Variants in SOX6 observed in about 807,000 individuals in gnomAD.
SOX6 encodes the protein SRY-box transcription factor 6.
SOX6 carries 11 observed loss-of-function variants against 97.8 expected under a neutral mutation model. The observed-to-expected ratio is 0.11, with a 90% confidence interval of 0.07 to 0.19. The LOEUF (loss-of-function observed/expected upper bound fraction) is 0.19, where lower values mean the gene tolerates loss of function less well. Among genes scored for constraint, SOX6 ranks in the 10% least tolerant of loss-of-function variants. The pLI, the probability that SOX6 is intolerant of heterozygous loss-of-function variation, is 1.00. For synonymous variants in SOX6, 360 were observed against 371.4 expected, an observed-to-expected ratio of 0.97 and a Z score of 0.35; for missense variants, 810 against 1,039.5, an observed-to-expected ratio of 0.78 and a Z score of 3.04.
At chr11:16,044,703 C>A (rs1291600641) in intron 12 of SOX6, among the ~76,000 whole-genome samples, 4 of 152,056 alleles carry the variant, frequency 2.6e-5, no homozygotes, top group African/African-American at 9.7e-5. Context: ...AATATATGTG[C>A]AAAACAGTAA....
At chr11:16,287,267 C>CTCTG (rs1165258381) in intron 3 of SOX6, among the ~76,000 whole-genome samples, 8 of 2,250 alleles carry the variant, frequency 3.6e-3, no homozygotes, top group Admixed American at 0.012. Context: ...GTCTCTCTCT[C>CTCTG]TCTCTCTCTC....
intron 7 of SOX6, among the ~76,000 whole-genome samples, chr11:16,098,075 A>G (rs1246581634): frequency 6.6e-6 from 1 of 151,868 alleles, no homozygotes; most frequent in Non-Finnish European, 1.5e-5. Flanking sequence ...TTGGCTTTGT[A>G]GGCAAAGAAG....
intron 4 of SOX6, among the ~76,000 whole-genome samples, chr11:16,526,554 A>C (rs1356343502): frequency 6.6e-6 from 1 of 152,076 alleles, no homozygotes; most frequent in Non-Finnish European, 1.5e-5. Flanking sequence ...TAATTGGTGC[A>C]GCACACCAGC....
At chr11:16,438,402 A>G (rs1859429352) in intron 1 of SOX6, among the ~76,000 whole-genome samples, 1 of 152,160 alleles carries the variant, frequency 6.6e-6, no homozygotes, top group Non-Finnish European at 1.5e-5. Flanking sequence ...ATTTTGCTGG[A>G]CACACTGATT....
At chr11:16,087,129 T>C (rs980715680) in intron 9 of SOX6, among the ~76,000 whole-genome samples, 2 of 152,326 alleles carry the variant, frequency 1.3e-5, no homozygotes, top group East Asian at 3.9e-4. Flanking sequence ...TTCACTTTCT[T>C]CTTCCAAAAT....
intron 4 of SOX6, among the ~76,000 whole-genome samples, chr11:16,564,156 T>TCAGG (rs1195840833): frequency 6.6e-6 from 1 of 152,104 alleles, no homozygotes; most frequent in Non-Finnish European, 1.5e-5. Context: ...TGTTGAAACA[T>TCAGG]CAGGAAGGAA....
rs1304479147 is a variant in SOX6 at position 15,991,633 on chromosome 11, C to A, written c.1733-2403G>T. Among the ~76,000 whole-genome samples the A allele has an allele frequency of 3.9e-5, 6 of 152,210 alleles. No homozygotes were observed. In the East Asian group the frequency reaches 1.2e-3, roughly 29 times the overall value. ...CACAGGTGATTAACATTTGAGCCTG[C>A]TTTTACTGTTGTAGCTTTCTCTCCA... On this transcript the variant is annotated intron_variant, in intron 13 of 15. Coordinates refer to ENST00000683767, the MANE Select transcript of SOX6 (RefSeq NM_001367873.1).
intron 7 of SOX6, among the ~76,000 whole-genome samples, chr11:16,107,423 A>T: frequency 6.8e-6 from 1 of 147,734 alleles, no homozygotes; most frequent in East Asian, 2.0e-4. Flanking sequence ...ATATACATAT[A>T]TATACATATA....
chr11:16,003,308 C>T (rs1254663566), intron 13 of SOX6, among the ~76,000 whole-genome samples: 4 of 151,906 alleles, frequency 2.6e-5, no homozygotes, highest in African/African-American at 4.8e-5. Flanking sequence ...TTTCTCCTTT[C>T]CTGAAATTAC....
chr11:16,197,471 CAG>C (rs1160504519), intron 4 of SOX6, among the ~76,000 whole-genome samples: 3 of 152,202 alleles, frequency 2.0e-5, no homozygotes, highest in African/African-American at 7.2e-5. Flanking sequence ...GCAAGTAACA[CAG>C]ATCCCACCTA....
At chr11:16,622,652 TTATC>T (rs558201855) in intron 3 of SOX6, among the ~76,000 whole-genome samples, 3 of 152,350 alleles carry the variant, frequency 2.0e-5, no homozygotes, top group African/African-American at 2.4e-5. Flanking sequence ...CACAATTTCT[TTATC>T]CATTCATTGA....
intron 1 of SOX6, among the ~76,000 whole-genome samples, chr11:16,367,132 T>G (rs1044934195): frequency 2.6e-5 from 4 of 152,192 alleles, no homozygotes; most frequent in African/African-American, 7.2e-5. Flanking sequence ...AGTTCTAAGA[T>G]ATAGTTTAGA....
intron 3 of SOX6, among the ~76,000 whole-genome samples, chr11:16,287,121 T>C (rs1854768464): frequency 6.6e-6 from 1 of 152,054 alleles, no homozygotes; most frequent in South Asian, 2.1e-4. Context: ...AAATGTAAAA[T>C]TGTTGTTCTG....
At chr11:16,684,681 G>C (rs1211879984) in intron 3 of SOX6, among the ~76,000 whole-genome samples, 4 of 151,876 alleles carry the variant, frequency 2.6e-5, no homozygotes, top group Non-Finnish European at 5.9e-5. Context: ...GTATACCTAT[G>C]TAGCAAACCT....
chr11:16,448,112 A>T (rs1387938574), intron 1 of SOX6, among the ~76,000 whole-genome samples: 1 of 152,208 alleles, frequency 6.6e-6, no homozygotes, highest in Non-Finnish European at 1.5e-5. Flanking sequence ...TATACACTGG[A>T]TAACTCTGTT....
chr11:16,402,967 A>T, intron 1 of SOX6: 1 of 770,320 alleles, frequency 1.3e-6, no homozygotes. Flanking sequence ...GGAGAAACAC[A>T]AGTCCATTGT....
At chr11:16,650,975 C>T (rs1295472413) in intron 3 of SOX6, among the ~76,000 whole-genome samples, 1 of 151,958 alleles carries the variant, frequency 6.6e-6, no homozygotes, top group Non-Finnish European at 1.5e-5. Context: ...TGCAAAAGAT[C>T]ATTCAAGGCT....
intron 4 of SOX6, among the ~76,000 whole-genome samples, chr11:16,492,215 A>G (rs746706994): frequency 6.6e-6 from 1 of 152,210 alleles, no homozygotes; most frequent in Non-Finnish European, 1.5e-5. Context: ...GGCATCTTTT[A>G]GTGTGGAAAA....
chr11:15,971,983 C>T lies in SOX6; in HGVS notation c.*826G>A, dbSNP rs1163145964. On this transcript the variant is annotated 3_prime_UTR_variant, in exon 16 of 16. Coordinates refer to ENST00000683767, the MANE Select transcript of SOX6 (RefSeq NM_001367873.1). Reference sequence around the variant, plus strand: ...ACCACTCTGTCGATATCTGGTGTGGCGGTTGCTCTGGTGTGTGTATGTCAT... The same window carrying T: ...ACCACTCTGTCGATATCTGGTGTGGTGGTTGCTCTGGTGTGTGTATGTCAT... 2.0e-5 allele frequency: 3 copies of T among 152,544 alleles called. No homozygotes were observed. Among genetic ancestry groups the T allele is most frequent in the Non-Finnish European group, 4.4e-5 (3 of 68,034 alleles). The allele number at this position is 152,544 out of a possible 1,614,324, so 9.4% of individuals were successfully genotyped here. A position where few individuals can be genotyped will look rare whatever the true frequency, so the allele number is the denominator to read the frequency against.
Sources: gnomAD v4.1 joint callset for allele counts (sites outside exome capture counted in the v4.1 genomes callset) on GRCh38, gnomAD v4.1.1 for gene constraint, MANE v1.5 for transcripts, NCBI Gene and HGNC (gene_info 2026-07-23, HGNC 2026-07-21) for gene names.